ITGA9: variants seen among roughly 807,000 people sequenced by gnomAD.
ITGA9 encodes integrin alpha-9.
In ITGA9, 56 loss-of-function variants were observed where a neutral mutation model predicts 127.8. That is an observed-to-expected ratio of 0.44 (90% CI 0.35 to 0.55). The LOEUF (loss-of-function observed/expected upper bound fraction) is 0.55, where lower values mean the gene tolerates loss of function less well. Ranked by LOEUF, ITGA9 falls within the 20% of genes least tolerant of loss-of-function variation. The pLI, the probability that ITGA9 is intolerant of heterozygous loss-of-function variation, is 0.00. For synonymous variants in ITGA9, 508 were observed against 514.5 expected, an observed-to-expected ratio of 0.99 and a Z score of 0.17; for missense variants, 1,196 against 1,347.1, an observed-to-expected ratio of 0.89 and a Z score of 1.76.
chr3:37,458,537 G>T (rs939076679), intron 1 of ITGA9, among the ~76,000 whole-genome samples: 6 of 152,214 alleles, frequency 3.9e-5, no homozygotes, highest in Non-Finnish European at 8.8e-5. Context: ...GCCTCAGCTG[G>T]AATCCTGCAG....
chr3:37,463,843 G>A lies in ITGA9; in HGVS notation c.186-7164G>A, dbSNP rs561483539. On this transcript the variant is annotated intron_variant, in intron 1 of 27. Transcript: ENST00000264741. ...CCCAGCGCACCAGAAAAGGGAACAA[G>A]GTTCTATTAACCTAAATAGCAAACA... Among the ~76,000 whole-genome samples, 23 of 152,162 alleles carry A rather than the reference G, an allele frequency of 1.5e-4. No individual in the cohort carries two copies. The South Asian group carries it at 4.6e-3, about 30-fold the overall frequency.
intron 15 of ITGA9, among the ~76,000 whole-genome samples, chr3:37,618,954 G>GCTGCACCCACTGTC (rs1700101719): frequency 6.6e-6 from 1 of 152,080 alleles, no homozygotes; most frequent in Non-Finnish European, 1.5e-5. Context: ...CGCTTGGTGT[G>GCTGCACCCACTGTC]CTGCACCCAC....
In ITGA9 at chr3:37,576,069, C is replaced by T. The variant is rs987896163; in HGVS notation, c.1689+33484C>T. Among the ~76,000 whole-genome samples the T allele has an allele frequency of 3.9e-5, 6 of 152,332 alleles. No homozygotes were observed. The East Asian group carries it at 1.2e-3, about 29-fold the overall frequency. ...AGCTCACTGGCCAGCAGCCTGGAGCCAGTGGAGCTTCAGGTGGCTTTAATT... is the reference window on the plus strand; with the variant it reads ...AGCTCACTGGCCAGCAGCCTGGAGCTAGTGGAGCTTCAGGTGGCTTTAATT... On this transcript the variant is annotated intron_variant, in intron 15 of 27. Transcript: ENST00000264741.
intron 15 of ITGA9, among the ~76,000 whole-genome samples, chr3:37,590,912 A>G (rs1240642812): frequency 6.6e-6 from 1 of 152,152 alleles, no homozygotes; most frequent in Non-Finnish European, 1.5e-5. Context: ...GAACTCTGCC[A>G]GTGGAAACCC....
At chr3:37,594,111 C>T (rs1377321258) in intron 15 of ITGA9, among the ~76,000 whole-genome samples, 1 of 152,192 alleles carries the variant, frequency 6.6e-6, no homozygotes, top group Non-Finnish European at 1.5e-5. Context: ...TGCCAGGGAG[C>T]CTGGGATCGG....
At chr3:37,655,283 A>G (rs1250488631) in intron 17 of ITGA9, among the ~76,000 whole-genome samples, 1 of 152,210 alleles carries the variant, frequency 6.6e-6, no homozygotes, top group Admixed American at 6.5e-5. Flanking sequence ...GTTTTCCACA[A>G]TAGTTGAACT....
intron 16 of ITGA9, among the ~76,000 whole-genome samples, chr3:37,646,329 A>G (rs972172228): frequency 2.0e-5 from 3 of 152,226 alleles, no homozygotes; most frequent in Non-Finnish European, 2.9e-5. Context: ...CTTTTCAGAA[A>G]AAGTTGCCAG....
chr3:37,649,841 T>G (rs989380627), intron 16 of ITGA9, among the ~76,000 whole-genome samples: 5 of 152,320 alleles, frequency 3.3e-5, no homozygotes, highest in Non-Finnish European at 7.3e-5. Context: ...TTAGCAAATT[T>G]CAGATCGAAA....
chr3:37,593,435 T>A (rs1264628915), intron 15 of ITGA9, among the ~76,000 whole-genome samples: 1 of 152,190 alleles, frequency 6.6e-6, no homozygotes, highest in Non-Finnish European at 1.5e-5. Context: ...CAACAGAAAT[T>A]AATTTGCTCA....
At chr3:37,544,833 A>G (rs1306251309) in intron 15 of ITGA9, among the ~76,000 whole-genome samples, 1 of 152,228 alleles carries the variant, frequency 6.6e-6, no homozygotes, top group Non-Finnish European at 1.5e-5. Context: ...ATGGTTCAAG[A>G]GGCAACATTG....
chr3:37,762,978 T>A (rs1053749490), intron 23 of ITGA9, among the ~76,000 whole-genome samples: 1 of 152,232 alleles, frequency 6.6e-6, no homozygotes, highest in Non-Finnish European at 1.5e-5. Context: ...TCCCATTTTC[T>A]TATCTGTAAA....
chr3:37,516,515 A>G (rs1698985099), intron 9 of ITGA9, among the ~76,000 whole-genome samples: 1 of 152,190 alleles, frequency 6.6e-6, no homozygotes, highest in African/African-American at 2.4e-5. Context: ...CATAGGAGCA[A>G]TCAGTTGCTG....
At chr3:37,596,594 C>T (rs927886068) in intron 15 of ITGA9, among the ~76,000 whole-genome samples, 1 of 152,104 alleles carries the variant, frequency 6.6e-6, no homozygotes, top group South Asian at 2.1e-4. Context: ...ATGTCCTGCT[C>T]CCCCGGAGGA....
intron 18 of ITGA9, among the ~76,000 whole-genome samples, 199 bp downstream of exon 18, chr3:37,684,214 A>G (rs1700760348): frequency 6.6e-6 from 1 of 152,204 alleles, no homozygotes; most frequent in Non-Finnish European, 1.5e-5. Context: ...AAATGCCCAC[A>G]GAGTGCCAGA....
chr3:37,584,647 C>A lies in ITGA9; in HGVS notation c.1689+42062C>A, dbSNP rs148753646. ...GCATGTATCTGTAGTCCCAGCTACT[C>A]GGGAGGCTGAGTCAGGAGAATTGCT... On this transcript the variant is annotated intron_variant, in intron 15 of 27. Transcript: ENST00000264741. Among the ~76,000 whole-genome samples, 842 of 151,986 alleles carry A rather than the reference C, an allele frequency of 5.5e-3. 3 individuals carry two copies. Among genetic ancestry groups the A allele is most frequent in the Non-Finnish European group, 9.6e-3 (654 of 67,978 alleles).
intron 18 of ITGA9, among the ~76,000 whole-genome samples, chr3:37,722,638 A>G (rs1220433521): frequency 1.3e-5 from 2 of 152,212 alleles, no homozygotes; most frequent in Non-Finnish European, 2.9e-5. Flanking sequence ...TGTTTGTGGC[A>G]TATGTCATAC....
chr3:37,565,698 T>C (rs1307221700), intron 15 of ITGA9, among the ~76,000 whole-genome samples: 1 of 152,186 alleles, frequency 6.6e-6, no homozygotes, highest in Non-Finnish European at 1.5e-5. Flanking sequence ...ACATCTTATA[T>C]TGCTCTCCCT....
intron 4 of ITGA9, among the ~76,000 whole-genome samples, chr3:37,484,960 G>A (rs1194301128): frequency 6.6e-6 from 1 of 152,158 alleles, no homozygotes; most frequent in African/African-American, 2.4e-5. Flanking sequence ...AATCATCATA[G>A]GGTGACTGAC....
chr3:37,755,860 A>G (rs1379362942), intron 23 of ITGA9, among the ~76,000 whole-genome samples: 1 of 152,140 alleles, frequency 6.6e-6, no homozygotes, highest in African/African-American at 2.4e-5. Context: ...TGGTAAAATA[A>G]ATGTTTAAAT....
Sources: allele counts gnomAD v4.1 joint callset (sites outside exome capture counted in the v4.1 genomes callset), GRCh38; gene constraint gnomAD v4.1.1; transcripts MANE v1.5; gene names NCBI Gene and HGNC (gene_info 2026-07-23, HGNC 2026-07-21).